CASZ1: variants seen among roughly 807,000 people sequenced by gnomAD.
CASZ1 encodes zinc finger protein castor homolog 1.
CASZ1 carries 28 observed loss-of-function variants against 135.2 expected under a neutral mutation model. The ratio of observed to expected loss-of-function variants is 0.21; its 90% confidence interval spans 0.15 to 0.28. CASZ1 has a LOEUF of 0.28. Among genes scored for constraint, CASZ1 ranks in the 10% least tolerant of loss-of-function variants. CASZ1 has a pLI of 1.00. For synonymous variants in CASZ1, 1,068 were observed against 1,073.4 expected (o/e 0.99, Z 0.10); for missense variants, 2,161 against 2,453.3 (o/e 0.88, Z 2.52).
chr1:10,757,368 G>C lies in CASZ1; in HGVS notation c.-77+3333C>G, dbSNP rs1163614557. ...TAACTCTTCCTCTATACACATACAG[G>C]CTCTGACCCCTTCCCCGCCTGTCCA... On this transcript the variant is annotated intron_variant, in intron 2 of 20. Coordinates refer to ENST00000377022, the MANE Select transcript of CASZ1 (RefSeq NM_001079843.3). The surrounding 1 kb of genome is among the most constrained non-coding windows in gnomAD (Gnocchi z 4.6). Among the ~76,000 whole-genome samples the C allele has an allele frequency of 6.6e-6, 1 of 152,022 alleles. No homozygotes were observed. Among genetic ancestry groups the C allele is most frequent in the Non-Finnish European group, 1.5e-5 (1 of 68,006 alleles).
intron 2 of CASZ1, among the ~76,000 whole-genome samples, chr1:10,730,920 A>G (rs546787423): frequency 1.3e-5 from 2 of 152,184 alleles, no homozygotes; most frequent in South Asian, 4.2e-4. Flanking sequence ...AGCCTGGACA[A>G]CATAGTGAAA....
intron 4 of CASZ1, among the ~76,000 whole-genome samples, chr1:10,690,159 G>A (rs991894832): frequency 1.3e-5 from 2 of 152,220 alleles, no homozygotes; most frequent in African/African-American, 4.8e-5. Context: ...TCTTCCTCCA[G>A]TACAGCACAG....
At chr1:10,738,132 T>C (rs1027019948) in intron 2 of CASZ1, among the ~76,000 whole-genome samples, 1 of 152,104 alleles carries the variant, frequency 6.6e-6, no homozygotes, top group Non-Finnish European at 1.5e-5. Flanking sequence ...TGACAACTAA[T>C]GAGTTCTATG....
chr1:10,731,092 C>T (rs1372671225), intron 2 of CASZ1, among the ~76,000 whole-genome samples: 2 of 140,348 alleles, frequency 1.4e-5, no homozygotes, highest in Non-Finnish European at 3.1e-5. Context: ...GGCGACAGAG[C>T]TAGACTCCGT....
chr1:10,682,175 C>G (rs957264627), intron 4 of CASZ1, among the ~76,000 whole-genome samples: 1 of 152,174 alleles, frequency 6.6e-6, no homozygotes. Flanking sequence ...CACACAGGGA[C>G]AGCCACCTGC....
intron 2 of CASZ1, among the ~76,000 whole-genome samples, chr1:10,740,919 C>T (rs1639905287): frequency 7.2e-6 from 1 of 138,992 alleles, no homozygotes; most frequent in African/African-American, 2.7e-5. Flanking sequence ...GATCGCTTCA[C>T]TGCACACCAG....
chr1:10,782,894 G>C (rs999221678), intron 1 of CASZ1, among the ~76,000 whole-genome samples: 1 of 152,220 alleles, frequency 6.6e-6, no homozygotes, highest in African/African-American at 2.4e-5. Context: ...CAGGCACTGA[G>C]AGTTGAGGGA....
In CASZ1 at chr1:10,640,489, C is replaced by T. The variant is rs533744351; in HGVS notation, c.4163-430G>A. On this transcript the variant is annotated intron_variant, in intron 20 of 20. Transcript: ENST00000377022. ...TAGCTGCCTCTAATGAGGGACAGGC[C>T]GGCTCCTTTCCCGCCGGCTACCCGG... 1.1e-4 allele frequency among the ~76,000 whole-genome samples: 16 copies of T among 152,324 alleles called. No individual in the cohort carries two copies. In the East Asian group the frequency reaches 1.5e-3, roughly 15 times the overall value.
chr1:10,693,758 C>CCCAA, intron 4 of CASZ1, 116 bp downstream of exon 4: 1 of 718,508 alleles, frequency 1.4e-6, no homozygotes, highest in Non-Finnish European at 2.5e-6. Context: ...AGCCGCCCGA[C>CCCAA]CCTCCCGGCC....
intron 4 of CASZ1, among the ~76,000 whole-genome samples, chr1:10,675,571 C>T: frequency 6.6e-6 from 1 of 152,092 alleles, no homozygotes; most frequent in East Asian, 1.9e-4. Flanking sequence ...TCCGCACGGA[C>T]CTGGCTGGGG....
chr1:10,650,895 A>T (rs752343687), intron 12 of CASZ1, 46 bp downstream of exon 12: 28 of 1,606,948 alleles, frequency 1.7e-5, no homozygotes, highest in Non-Finnish European at 2.1e-5. Context: ...CTCCAGCTCG[A>T]AGGTGTGGTT....
rs749981678 is a variant in CASZ1 at position 10,639,400 on chromosome 1, G to A, written c.4822C>T (p.Pro1608Ser). 6 of 1,548,618 alleles carry A rather than the reference G, an allele frequency of 3.9e-6. No individual in the cohort carries two copies. Among genetic ancestry groups the A allele is most frequent in the Non-Finnish European group, 5.2e-6 (6 of 1,146,910 alleles). Residue 1608 changes from proline to serine, a missense_variant, in exon 21 of 21, where the codon CCC becomes TCC. Pro to Ser is a moderately conservative substitution (Grantham distance 74, BLOSUM62 -1). Around this residue, in one of 7 missense-constraint regions of CASZ1, gnomAD observed 240 missense variants for 321.4 expected, o/e 0.75. Coordinates refer to ENST00000377022, the MANE Select transcript of CASZ1 (RefSeq NM_001079843.3). This position sits in a 1 kb window ranked among gnomAD's most constrained non-coding sequence, Gnocchi z 4.0. ...AGACTGATGGGAGGCCCGGGCGCGG[G>A]GCCCTCTGCCGCGGGCTCGCCGCGC... is the stretch of plus-strand genomic sequence containing the variant. ...QERGEPAAEG[P>S]APGPPISLDG...
At chr1:10,689,257 C>T (rs1342594382) in intron 4 of CASZ1, among the ~76,000 whole-genome samples, 2 of 152,356 alleles carry the variant, frequency 1.3e-5, no homozygotes, top group African/African-American at 2.4e-5. Context: ...CACCCAATCC[C>T]CTGCTCAGGC....
intron 4 of CASZ1, among the ~76,000 whole-genome samples, chr1:10,689,832 A>G (rs1204091090): frequency 3.3e-5 from 5 of 152,234 alleles, no homozygotes; most frequent in Non-Finnish European, 7.3e-5. Flanking sequence ...AGACAGCTGA[A>G]GATCTTAAAG....
chr1:10,678,477 C>T (rs1043003590), intron 4 of CASZ1, among the ~76,000 whole-genome samples: 25 of 149,240 alleles, frequency 1.7e-4, no homozygotes, highest in Non-Finnish European at 3.0e-4. Context: ...CCCACAGGGC[C>T]GGGGCAGCAC....
In CASZ1 at chr1:10,639,385, G is replaced by A. The variant is rs1557451294; in HGVS notation, c.4837C>T (p.Pro1613Ser). Residue 1613 changes from proline (P) to serine (S), a missense_variant, in exon 21 of 21, where the codon CCC becomes TCC. Transcript: ENST00000377022. This position sits in a 1 kb window ranked among gnomAD's most constrained non-coding sequence, Gnocchi z 4.0. Reference sequence around the variant, plus strand: ...GACAGGGAGCCGTCCAGACTGATGGGAGGCCCGGGCGCGGGGCCCTCTGCC... The same window carrying A: ...GACAGGGAGCCGTCCAGACTGATGGAAGGCCCGGGCGCGGGGCCCTCTGCC... Reference protein sequence around the residue: ...PAAEGPAPGPPISLDGSLSLG... With the variant: ...PAAEGPAPGPSISLDGSLSLG... 3 of 1,543,704 alleles carry A rather than the reference G, an allele frequency of 1.9e-6. No homozygotes were observed. Among genetic ancestry groups the A allele is most frequent in the Non-Finnish European group, 1.7e-6 (2 of 1,145,304 alleles).
chr1:10,647,721 G>A lies in CASZ1; in HGVS notation c.3497+80C>T. 6.3e-7 allele frequency: 1 copy of A among 1,593,298 alleles called. No individual in the cohort carries two copies. Among genetic ancestry groups the A allele is most frequent in the Non-Finnish European group, 8.5e-7 (1 of 1,175,866 alleles). On this transcript the variant is annotated intron_variant, in intron 16 of 20. Transcript: ENST00000377022. This position sits in a 1 kb window ranked among gnomAD's most constrained non-coding sequence, Gnocchi z 4.9. ...GCAGCACCATCCGCAGTGAGGAACA[G>A]GGCCTCCTAGCGCCCTTGCTAGCAC... is the stretch of plus-strand genomic sequence containing the variant.
chr1:10,690,245 C>G (rs1325838129), intron 4 of CASZ1, among the ~76,000 whole-genome samples: 1 of 152,216 alleles, frequency 6.6e-6, no homozygotes, highest in Non-Finnish European at 1.5e-5. Context: ...AGCCTCCACA[C>G]TTGGCAAGGC....
chr1:10,708,966 C>CGG, intron 2 of CASZ1, among the ~76,000 whole-genome samples: 1 of 26,652 alleles, frequency 3.8e-5, no homozygotes, highest in African/African-American at 9.7e-5. Context: ...GGATGGAGGA[C>CGG]GGGGAGGGGG....
Sources: gnomAD v4.1 joint callset for allele counts (sites outside exome capture counted in the v4.1 genomes callset) on GRCh38, gnomAD v4.1.1 for gene constraint, gnomAD v4.1.1 regional missense constraint, Gnocchi (gnomAD v3.1) non-coding constraint, MANE v1.5 for transcripts, NCBI Gene and HGNC (gene_info 2026-07-23, HGNC 2026-07-21) for gene names.